Variants in DLG1 observed in about 807,000 individuals in gnomAD.
The protein encoded by DLG1 is disks large homolog 1.
In DLG1, 42 loss-of-function variants were observed where a neutral mutation model predicts 123.4. That is an observed-to-expected ratio of 0.34 (90% CI 0.27 to 0.44). The LOEUF (loss-of-function observed/expected upper bound fraction) is 0.44. Among genes scored for constraint, DLG1 ranks in the 20% least tolerant of loss-of-function variants. The pLI, the probability that DLG1 is intolerant of heterozygous loss-of-function variation, is 1.00. For missense variants in DLG1, 942 were observed against 1,082.6 expected, an observed-to-expected ratio of 0.87 and a Z score of 1.82; for synonymous variants, 317 against 356.2, an observed-to-expected ratio of 0.89 and a Z score of 1.24.
At chr3:197,121,929 TA>T (rs1776636280) in intron 11 of DLG1, among the ~76,000 whole-genome samples, 1 of 150,814 alleles carries the variant, frequency 6.6e-6, no homozygotes, top group Non-Finnish European at 1.5e-5. Flanking sequence ...CATTCAGAAC[TA>T]AAATCCTTCC....
intron 10 of DLG1, among the ~76,000 whole-genome samples, chr3:197,134,541 A>T (rs1376298796): frequency 6.6e-6 from 1 of 151,568 alleles, no homozygotes; most frequent in African/African-American, 2.4e-5. Context: ...GTATATTTTT[A>T]AAAACCAACT....
chr3:197,200,197 G>GC (rs1185935879), intron 4 of DLG1, among the ~76,000 whole-genome samples: 2 of 151,874 alleles, frequency 1.3e-5, no homozygotes, highest in African/African-American at 4.8e-5. Flanking sequence ...TAAAATTAAG[G>GC]CCAAAAACTA....
rs374804999 is a variant in DLG1, at chr3:197,142,871, G to A, written c.538-103C>T. 18 of 800,356 alleles carry A rather than the reference G, an allele frequency of 2.2e-5. No homozygotes were observed. In the African/African-American group the frequency reaches 2.3e-4, roughly 10 times the overall value. The allele number at this position is 800,356 out of a possible 1,614,324, so 49.6% of individuals were successfully genotyped here. On this transcript the variant is annotated intron_variant, in intron 6 of 24. Coordinates refer to ENST00000667157, the MANE Select transcript of DLG1 (RefSeq NM_001366207.1). Reference sequence around the variant, plus strand: ...TTATTAATGAAAACCTGTTGAATGCGACAGTAATCAAACACAATAGCTTCA... The same window carrying A: ...TTATTAATGAAAACCTGTTGAATGCAACAGTAATCAAACACAATAGCTTCA...
intron 4 of DLG1, among the ~76,000 whole-genome samples, chr3:197,213,010 C>A (rs1732064397): frequency 6.6e-6 from 1 of 152,106 alleles, no homozygotes; most frequent in Non-Finnish European, 1.5e-5. Context: ...TCATCAACTG[C>A]CCAAATGTGA....
intron 11 of DLG1, among the ~76,000 whole-genome samples, chr3:197,123,864 A>T (rs1053028425): frequency 2.0e-5 from 3 of 152,236 alleles, no homozygotes; most frequent in Non-Finnish European, 4.4e-5. Context: ...ATACAATGGA[A>T]TAATACATAG....
At chr3:197,106,906 C>A (rs530637571) in intron 13 of DLG1, among the ~76,000 whole-genome samples, 1 of 152,074 alleles carries the variant, frequency 6.6e-6, no homozygotes, top group South Asian at 2.1e-4. Context: ...ATTTTTAAAG[C>A]ATATAGTTTA....
At chr3:197,151,257 C>A (rs766190384) in intron 5 of DLG1, among the ~76,000 whole-genome samples, 1 of 152,150 alleles carries the variant, frequency 6.6e-6, no homozygotes, top group African/African-American at 2.4e-5. Context: ...AAAGAAATTA[C>A]ATTTTAAAAA....
At chr3:197,149,631 C>T (rs1279443306) in intron 6 of DLG1, 112 bp downstream of exon 6, 1 of 763,932 alleles carries the variant, frequency 1.3e-6, no homozygotes, top group African/African-American at 1.8e-5. Context: ...AGTGATAGAA[C>T]ATCTTAAGAG....
chr3:197,287,676 A>C (rs1225956767), intron 3 of DLG1, among the ~76,000 whole-genome samples: 2 of 152,218 alleles, frequency 1.3e-5, no homozygotes, highest in African/African-American at 4.8e-5. Flanking sequence ...TTACAAAAGA[A>C]ATTAAAATAA....
At position 197,208,577 on chromosome 3, in the gene DLG1, A is replaced by G. The variant is rs982778134; in HGVS notation, c.319-13988T>C. ...AAATAAGAGAATATCACAAGTCATA[A>G]AATGATGAGAAAGGTCTTCAGGTAT... On this transcript the variant is annotated intron_variant, in intron 4 of 24. Transcript: ENST00000667157. 4.8e-5 allele frequency among the ~76,000 whole-genome samples: 7 copies of G among 146,196 alleles called. 1 individual carries two copies. The highest frequency in any genetic ancestry group is 9.2e-5 in the Non-Finnish European group (6 of 65,120).
At chr3:197,124,088 T>G (rs1777779000) in intron 11 of DLG1, among the ~76,000 whole-genome samples, 1 of 151,982 alleles carries the variant, frequency 6.6e-6, no homozygotes, top group Non-Finnish European at 1.5e-5. Context: ...ACAAAACAAT[T>G]TTAAAAATTA....
intron 10 of DLG1, among the ~76,000 whole-genome samples, chr3:197,135,009 G>C (rs1178399934): frequency 6.6e-6 from 1 of 152,182 alleles, no homozygotes; most frequent in African/African-American, 2.4e-5. Context: ...TACAGTGTCT[G>C]CCTAGAAGAC....
At chr3:197,185,365 T>A (rs1229191118) in intron 5 of DLG1, among the ~76,000 whole-genome samples, 1 of 152,128 alleles carries the variant, frequency 6.6e-6, no homozygotes, top group Middle Eastern at 3.2e-3. Context: ...TGCTGAGAAG[T>A]GAACATGTGC....
intron 22 of DLG1, among the ~76,000 whole-genome samples, chr3:197,062,279 A>G (rs1736381114): frequency 6.6e-6 from 1 of 152,196 alleles, no homozygotes; most frequent in African/African-American, 2.4e-5. Context: ...TTTATAATTA[A>G]GTGTTGAATT....
chr3:197,298,583 G>A lies in DLG1; in HGVS notation c.-79C>T, dbSNP rs1431902290. 2 of 397,374 alleles carry A rather than the reference G, an allele frequency of 5.0e-6. No individual in the cohort carries two copies. The highest frequency in any genetic ancestry group is 2.1e-5 in the African/African-American group (1 of 48,554). 24.6% of individuals were successfully genotyped at this position (397,374 alleles called of 1,614,324 possible). On this transcript the variant is annotated 5_prime_UTR_variant, in exon 1 of 25. Coordinates refer to ENST00000667157, the MANE Select transcript of DLG1 (RefSeq NM_001366207.1). ...CAGCAGTGCCGTTTCCAACTCCGCG[G>A]CAGAGACAGCGCCTGGCGACCCCGG...
chr3:197,173,935 C>T, intron 5 of DLG1, among the ~76,000 whole-genome samples: 1 of 152,130 alleles, frequency 6.6e-6, no homozygotes, highest in East Asian at 1.9e-4. Flanking sequence ...GAAACCCAGT[C>T]AGTCAGGTAT....
At chr3:197,238,726 C>A (rs1024159966) in intron 4 of DLG1, among the ~76,000 whole-genome samples, 1 of 152,112 alleles carries the variant, frequency 6.6e-6, no homozygotes, top group African/African-American at 2.4e-5. Flanking sequence ...CACACTCTTA[C>A]ACAAGCAATG....
chr3:197,211,512 T>G (rs551405585), intron 4 of DLG1, among the ~76,000 whole-genome samples: 5 of 146,476 alleles, frequency 3.4e-5, no homozygotes, highest in African/African-American at 1.2e-4. Flanking sequence ...ATGTGATTCA[T>G]CACATAAACA....
chr3:197,215,094 T>C (rs751836673), intron 4 of DLG1, among the ~76,000 whole-genome samples: 6 of 152,222 alleles, frequency 3.9e-5, no homozygotes, highest in East Asian at 1.9e-4. Flanking sequence ...TTTTGTGTGA[T>C]AGCAGCGAAA....
Sources: gnomAD v4.1 joint callset for allele counts (sites outside exome capture counted in the v4.1 genomes callset) on GRCh38, gnomAD v4.1.1 for gene constraint, MANE v1.5 for transcripts, NCBI Gene and HGNC (gene_info 2026-07-23, HGNC 2026-07-21) for gene names.